Variants in MTUS2 observed in about 807,000 individuals in gnomAD.
MTUS2 encodes microtubule-associated tumor suppressor candidate 2.
A neutral mutation model predicts 114.1 loss-of-function variants in MTUS2; 40 were observed. The observed-to-expected ratio is 0.35, with a 90% CI of 0.27 to 0.46. The LOEUF is 0.46. Among genes scored for constraint, MTUS2 ranks in the 20% least tolerant of loss-of-function variants. MTUS2 has a pLI of 1.00. For missense variants in MTUS2, 1,679 were observed against 1,705.4 expected, an observed-to-expected ratio of 0.98 and a Z score of 0.27; for synonymous variants, 688 against 672.0, an observed-to-expected ratio of 1.02 and a Z score of -0.37.
intron 5 of MTUS2, among the ~76,000 whole-genome samples, chr13:29,126,185 C>T (rs1891508084): frequency 6.6e-6 from 1 of 151,924 alleles, no homozygotes; most frequent in African/African-American, 2.4e-5. Context: ...TCCCTTAACT[C>T]CTGCCCTTTA....
intron 5 of MTUS2, among the ~76,000 whole-genome samples, chr13:29,243,434 A>C (rs950290935): frequency 1.3e-5 from 2 of 152,212 alleles, no homozygotes; most frequent in Non-Finnish European, 2.9e-5. Context: ...GTGTCTCCTC[A>C]ATGTGCGAAT....
chr13:29,031,417 T>G (rs61946436), intron 3 of MTUS2, among the ~76,000 whole-genome samples: 68,856 of 151,432 alleles, frequency 0.45, 16,261 homozygotes, highest in South Asian at 0.68. Flanking sequence ...TATATATATA[T>G]ATAGAGAGAG....
intron 5 of MTUS2, among the ~76,000 whole-genome samples, chr13:29,249,250 A>G (rs1193829934): frequency 6.6e-6 from 1 of 152,038 alleles, no homozygotes; most frequent in Non-Finnish European, 1.5e-5. Flanking sequence ...CAGCCTCCCA[A>G]AGTGCTAGGA....
At chr13:29,183,953 A>G (rs1450200660) in intron 5 of MTUS2, among the ~76,000 whole-genome samples, 1 of 152,204 alleles carries the variant, frequency 6.6e-6, no homozygotes, top group Non-Finnish European at 1.5e-5. Flanking sequence ...ATATTTAAAC[A>G]TAAAAAGTTA....
At chr13:29,415,363 C>T (rs933209671) in intron 8 of MTUS2, among the ~76,000 whole-genome samples, 1 of 152,132 alleles carries the variant, frequency 6.6e-6, no homozygotes, top group African/African-American at 2.4e-5. Context: ...TAGAAAAACT[C>T]CTTCATAAAG....
intron 8 of MTUS2, among the ~76,000 whole-genome samples, chr13:29,439,500 C>G (rs987488433): frequency 6.6e-6 from 1 of 152,088 alleles, no homozygotes; most frequent in Non-Finnish European, 1.5e-5. Context: ...GCCTTCTGCC[C>G]TGATCTTTAT....
intron 2 of MTUS2, among the ~76,000 whole-genome samples, chr13:28,997,815 G>A (rs1284149726): frequency 1.6e-4 from 23 of 148,016 alleles, no homozygotes; most frequent in South Asian, 4.3e-4. Flanking sequence ...CCTGAATACA[G>A]CACAATGATG....
In MTUS2 at chr13:28,868,677, A is replaced by G. The variant is rs142873926; in HGVS notation, c.-243+28827A>G. ...AGCCTCAGTATCACCTGCCACCATC[A>G]GTGTCATTCTCTCCACGTTTTGTTG... On this transcript the variant is annotated intron_variant, in intron 2 of 15. Transcript: ENST00000612955. Among the ~76,000 whole-genome samples, 159 of 152,316 alleles carry G rather than the reference A, an allele frequency of 1.0e-3. 3 individuals are homozygous for G. In the East Asian group the frequency reaches 0.023, roughly 23 times the overall value.
chr13:29,343,021 G>A (rs917960993), intron 7 of MTUS2, among the ~76,000 whole-genome samples: 2 of 152,078 alleles, frequency 1.3e-5, no homozygotes, highest in African/African-American at 4.8e-5. Context: ...ACTTGATCAT[G>A]GTGGATTACC....
intron 5 of MTUS2, among the ~76,000 whole-genome samples, chr13:29,166,905 A>C (rs1430545883): frequency 6.6e-6 from 1 of 152,356 alleles, no homozygotes; most frequent in East Asian, 1.9e-4. Flanking sequence ...GTTGCTTTTC[A>C]GTATGCTCCT....
At position 29,046,173 on chromosome 13, in the gene MTUS2, C is replaced by T. The variant is rs976505201; in HGVS notation, c.2446+12048C>T. Among the ~76,000 whole-genome samples, 4 of 149,122 alleles carry T rather than the reference C, an allele frequency of 2.7e-5. 1 individual carries two copies. The South Asian group carries it at 6.3e-4, about 24-fold the overall frequency. On this transcript the variant is annotated intron_variant, in intron 4 of 15. Coordinates refer to ENST00000612955, the MANE Select transcript of MTUS2 (RefSeq NM_001033602.4). ...CTGTCACCCAGGCTGGAGTGCAGTG[C>T]GTGATGTCAGCTCACTTCAGCCTCG...
At chr13:29,096,976 G>A (rs960974147) in intron 4 of MTUS2, among the ~76,000 whole-genome samples, 1 of 152,076 alleles carries the variant, frequency 6.6e-6, no homozygotes, top group Non-Finnish European at 1.5e-5. Context: ...GTGAAGGAAG[G>A]TTCCCTGACC....
intron 7 of MTUS2, among the ~76,000 whole-genome samples, chr13:29,354,240 ATTTT>A (rs5802516): frequency 8.3e-6 from 1 of 120,398 alleles, no homozygotes; most frequent in African/African-American, 3.1e-5. Context: ...TATTTTGGGC[ATTTT>A]TTTTTTTTTT....
intron 5 of MTUS2, among the ~76,000 whole-genome samples, chr13:29,262,087 T>G (rs1042157049): frequency 2.0e-5 from 3 of 152,268 alleles, no homozygotes; most frequent in Non-Finnish European, 4.4e-5. Context: ...TGCCAGAAGT[T>G]CAGAAGTCCT....
chr13:28,858,733 G>A (rs1376118937), intron 2 of MTUS2, among the ~76,000 whole-genome samples: 1 of 152,146 alleles, frequency 6.6e-6, no homozygotes, highest in Admixed American at 6.5e-5. Flanking sequence ...GTGTGGAGAG[G>A]GGACAGGGAG....
At chr13:29,494,464 G>A (rs762180781) in intron 12 of MTUS2, among the ~76,000 whole-genome samples, 7 of 152,088 alleles carry the variant, frequency 4.6e-5, no homozygotes, top group Non-Finnish European at 1.0e-4. Context: ...GTAATTGCCT[G>A]ACGAGTTTGC....
intron 5 of MTUS2, among the ~76,000 whole-genome samples, chr13:29,161,040 G>A (rs1893075585): frequency 1.3e-5 from 2 of 152,202 alleles, no homozygotes; most frequent in African/African-American, 4.8e-5. Context: ...GGTGAGTGTG[G>A]TTTTAAAAGG....
At position 29,059,228 on chromosome 13, in the gene MTUS2, A is replaced by ATTT. The variant is rs35369352; in HGVS notation, c.2446+25122_2446+25124dup. On this transcript the variant is annotated intron_variant, in intron 4 of 15. Transcript: ENST00000612955. ...AGTCTTTGAAGTTGCTATTCTTTGG[A>ATTT]TTTTTTTTTTTTTTTTTTTTTGCTT... 3.6e-3 allele frequency among the ~76,000 whole-genome samples: 348 copies of ATTT among 97,076 alleles called. 5 individuals are homozygous for ATTT. Among genetic ancestry groups the ATTT allele is most frequent in the East Asian group, 0.017 (46 of 2,772 alleles). 63.7% of individuals were successfully genotyped at this position (97,076 alleles called of 152,430 possible). A position where few individuals can be genotyped will look rare whatever the true frequency, so the allele number is the denominator to read the frequency against.
chr13:29,237,789 G>A (rs1255546692), intron 5 of MTUS2, among the ~76,000 whole-genome samples: 1 of 152,016 alleles, frequency 6.6e-6, no homozygotes, highest in Non-Finnish European at 1.5e-5. Context: ...ACATACAAAC[G>A]GCCAACAAGT....
Sources: allele counts gnomAD v4.1 joint callset (sites outside exome capture counted in the v4.1 genomes callset), GRCh38; gene constraint gnomAD v4.1.1; transcripts MANE v1.5; gene names NCBI Gene and HGNC (gene_info 2026-07-23, HGNC 2026-07-21).